FAM83A: variants seen among roughly 807,000 people sequenced by gnomAD.
The protein encoded by FAM83A is protein FAM83A.
Under a neutral mutation model 24.4 loss-of-function variants are expected in FAM83A, and 21 were observed. That is an observed-to-expected ratio of 0.86 (90% CI 0.61 to 1.24). FAM83A has a LOEUF of 1.24. Among genes scored for constraint, FAM83A ranks in the 50% most tolerant of loss-of-function variants. The pLI, the probability that FAM83A is intolerant of heterozygous loss-of-function variation, is 0.00. For missense variants in FAM83A, 617 were observed against 579.8 expected, an observed-to-expected ratio of 1.06 and a Z score of -0.66; for synonymous variants, 270 against 252.4, an observed-to-expected ratio of 1.07 and a Z score of -0.66.
At chr8:123,202,851 T>C (rs1205104309) in intron 3 of FAM83A, 1 of 152,154 alleles carries the variant, frequency 6.6e-6, no homozygotes, top group Admixed American at 6.6e-5. Context: ...TGGGTCATGA[T>C]GTTAAATGTG....
exon 4 of FAM83A, chr8:123,207,562 G>T (rs772346358): frequency 2.0e-6 from 3 of 1,537,556 alleles, no homozygotes; most frequent in Admixed American, 3.9e-5. Flanking sequence ...ACGACGGCCC[G>T]CCCGCCGCTG....
exon 4 of FAM83A, chr8:123,207,571 T>G (rs1167260181): frequency 1.1e-5 from 17 of 1,572,180 alleles, no homozygotes; most frequent in Non-Finnish European, 1.5e-5. Flanking sequence ...CGCCCGCCGC[T>G]GTCTACAGCA....
intron 1 of FAM83A, among the ~76,000 whole-genome samples, chr8:123,187,030 G>A (rs1038503383): frequency 2.6e-5 from 4 of 152,164 alleles, no homozygotes; most frequent in African/African-American, 7.2e-5. Context: ...AGGGATTAGG[G>A]CAGGCTTCAC....
At position 123,206,893 on chromosome 8, in the gene FAM83A, G is replaced by A. The variant is rs545692371; in HGVS notation, c.774-264G>A. 1.1e-4 allele frequency among the ~76,000 whole-genome samples: 17 copies of A among 152,084 alleles called. No homozygotes were observed. In the East Asian group the frequency reaches 2.7e-3, roughly 24 times the overall value. On this transcript the variant is annotated intron_variant, in intron 3 of 3. Coordinates refer to ENST00000690554, the Ensembl canonical transcript of FAM83A. ...CCAGGAGGATCTTGGGGCCTGGGCC[G>A]GCGAAGCCTCCTATCTGTCCTCCTC...
chr8:123,205,244 G>A (rs1824506909), intron 3 of FAM83A, among the ~76,000 whole-genome samples: 2 of 152,262 alleles, frequency 1.3e-5, no homozygotes, highest in African/African-American at 4.8e-5. Context: ...GGAGTTGCCA[G>A]GAAGTCTTTG....
At chr8:123,190,517 G>A (rs1036320397) in intron 1 of FAM83A, among the ~76,000 whole-genome samples, 1 of 151,710 alleles carries the variant, frequency 6.6e-6, no homozygotes, top group African/African-American at 2.4e-5. Flanking sequence ...CGCCCGCCTC[G>A]GCCTCCCAAA....
chr8:123,195,031 C>T (rs1275892994), intron 3 of FAM83A, among the ~76,000 whole-genome samples: 4 of 151,940 alleles, frequency 2.6e-5, no homozygotes, highest in African/African-American at 7.2e-5. Flanking sequence ...TCAGTGGCGG[C>T]GCTAGGGAAG....
At chr8:123,195,356 G>A (rs1231589180) in intron 3 of FAM83A, among the ~76,000 whole-genome samples, 1 of 152,170 alleles carries the variant, frequency 6.6e-6, no homozygotes, top group East Asian at 1.9e-4. Context: ...GAAGCCAACT[G>A]GCAAATCTCT....
exon 4 of FAM83A, chr8:123,207,531 C>A: frequency 6.4e-7 from 1 of 1,564,386 alleles, no homozygotes. Context: ...AGTCCCCAGG[C>A]CCACCTCTCC....
At chr8:123,182,073 G>A (rs933096838), upstream of FAM83A, 15 of 456,108 alleles carry the variant, frequency 3.3e-5, no homozygotes, top group East Asian at 1.4e-4. Context: ...CGGCAGCCTC[G>A]GCTCGTTCTC....
chr8:123,197,269 A>G (rs1218252696), intron 3 of FAM83A, among the ~76,000 whole-genome samples: 1 of 152,198 alleles, frequency 6.6e-6, no homozygotes, highest in Non-Finnish European at 1.5e-5. Flanking sequence ...GGCTATGGGA[A>G]AAAAAGAGAA....
chr8:123,189,498 G>A (rs1413405448), intron 1 of FAM83A, among the ~76,000 whole-genome samples: 1 of 152,148 alleles, frequency 6.6e-6, no homozygotes, highest in Non-Finnish European at 1.5e-5. Context: ...AGTATCTTTG[G>A]CCCCCAAAAT....
chr8:123,207,321 C>A (rs1391989135), exon 4 of FAM83A: 2 of 1,611,606 alleles, frequency 1.2e-6, no homozygotes, highest in South Asian at 2.2e-5. Context: ...CCCGGAGCAG[C>A]CCCGGCCAAT....
chr8:123,201,594 AG>A (rs1179981411), intron 3 of FAM83A: 1 of 152,170 alleles, frequency 6.6e-6, no homozygotes, highest in Non-Finnish European at 1.5e-5. Flanking sequence ...AAACAAACAA[AG>A]AAAAAAAACC....
intron 3 of FAM83A, among the ~76,000 whole-genome samples, 156 bp downstream of exon 3, chr8:123,194,304 A>C (rs1824074464): frequency 6.6e-6 from 1 of 152,226 alleles, no homozygotes; most frequent in South Asian, 2.1e-4. Flanking sequence ...AGATGGGGTG[A>C]GAGGCAAGAA....
In FAM83A at chr8:123,194,486, C is replaced by CT. The variant is rs71573674; in HGVS notation, c.773+353dup. Among the ~76,000 whole-genome samples, 715 of 140,420 alleles carry CT rather than the reference C, an allele frequency of 5.1e-3. 8 individuals carry two copies. The highest frequency in any genetic ancestry group is 0.012 in the African/African-American group (467 of 38,494). The allele number at this position is 140,420 out of a possible 152,430, so 92.1% of individuals were successfully genotyped here. A position where few individuals can be genotyped will look rare whatever the true frequency, so the allele number is the denominator to read the frequency against. ...AGTTGTGTGTGTGCACATCCCATTG[C>CT]TTTTTTTTTTTTTTTGAGATGGAGT... On this transcript the variant is annotated intron_variant, in intron 3 of 3. Coordinates refer to ENST00000690554, the Ensembl canonical transcript of FAM83A.
chr8:123,191,843 T>C (rs913420690), exon 2 of FAM83A: 3 of 1,613,964 alleles, frequency 1.9e-6, no homozygotes, highest in Non-Finnish European at 2.5e-6. Context: ...GATGTGGAGA[T>C]CTTCTGTGAC....
chr8:123,203,695 C>T (rs1395724802), intron 3 of FAM83A, among the ~76,000 whole-genome samples: 1 of 151,348 alleles, frequency 6.6e-6, no homozygotes, highest in Non-Finnish European at 1.5e-5. Context: ...AAGATGCACA[C>T]CCCTGACAGA....
intron 3 of FAM83A, among the ~76,000 whole-genome samples, chr8:123,198,592 C>T (rs1029756960): frequency 1.2e-4 from 18 of 152,178 alleles, no homozygotes; most frequent in African/African-American, 4.3e-4. Context: ...TTCCCTTTAA[C>T]ACCTTCAGGA....
Sources: allele counts gnomAD v4.1 joint callset (sites outside exome capture counted in the v4.1 genomes callset), GRCh38; gene constraint gnomAD v4.1.1; transcripts MANE v1.5; gene names NCBI Gene and HGNC (gene_info 2026-07-23, HGNC 2026-07-21).